Variants in ZMYND8 observed in about 807,000 individuals in gnomAD.
ZMYND8 encodes the protein MYND-type zinc finger-containing chromatin reader ZMYND8.
A neutral mutation model predicts 140.8 loss-of-function variants in ZMYND8; 37 were observed. The ratio of observed to expected loss-of-function variants is 0.26; its 90% CI spans 0.20 to 0.35. ZMYND8 has a LOEUF of 0.35. Among genes scored for constraint, ZMYND8 ranks in the 10% least tolerant of loss-of-function variants. The pLI, the probability that ZMYND8 is intolerant of heterozygous loss-of-function variation, is 1.00. For missense variants in ZMYND8, 1,068 were observed against 1,570.0 expected (o/e 0.68, Z 5.40); for synonymous variants, 592 against 597.1 (o/e 0.99, Z 0.12).
At chr20:47,319,393 A>G in intron 2 of ZMYND8, 1 of 234,836 alleles carries the variant, frequency 4.3e-6, no homozygotes, top group South Asian at 5.1e-5. Flanking sequence ...GGGGAGGGAA[A>G]CAGCTGTGGT....
At chr20:47,299,413 T>C (rs967478041) in intron 3 of ZMYND8, among the ~76,000 whole-genome samples, 1 of 152,218 alleles carries the variant, frequency 6.6e-6, no homozygotes, top group Non-Finnish European at 1.5e-5. Context: ...AATGCCACCA[T>C]ACTAACAATG....
intron 2 of ZMYND8, among the ~76,000 whole-genome samples, chr20:47,326,119 G>A (rs1037214449): frequency 9.2e-5 from 14 of 152,210 alleles, no homozygotes; most frequent in Admixed American, 6.5e-4. Context: ...TACCACGCCC[G>A]GCTAATTCTT....
At chr20:47,326,393 T>G (rs2080420608) in intron 2 of ZMYND8, among the ~76,000 whole-genome samples, 10 of 152,052 alleles carry the variant, frequency 6.6e-5, no homozygotes, top group Admixed American at 6.6e-4. Flanking sequence ...TGAGCCACCA[T>G]GCCCGGCCTC....
intron 19 of ZMYND8, among the ~76,000 whole-genome samples, chr20:47,223,200 G>C (rs2037228401): frequency 6.6e-6 from 1 of 152,148 alleles, no homozygotes; most frequent in Non-Finnish European, 1.5e-5. Flanking sequence ...ACAAATAAAA[G>C]CTAATGGTAA....
intron 3 of ZMYND8, among the ~76,000 whole-genome samples, chr20:47,302,308 C>G (rs1255937871): frequency 6.6e-6 from 1 of 152,084 alleles, no homozygotes; most frequent in Non-Finnish European, 1.5e-5. Flanking sequence ...AACTCCATCT[C>G]TACAAAAAAT....
chr20:47,310,036 G>A lies in ZMYND8; in HGVS notation c.234+20C>T, dbSNP rs765590187. 1.4e-5 allele frequency: 23 copies of A among 1,613,922 alleles called. No individual in the cohort carries two copies. Among genetic ancestry groups the A allele is most frequent in the South Asian group, 8.8e-5 (8 of 91,074 alleles). ...CCTCTGTCCCACCAGTGAGGACACC[G>A]TTCCCAGCGGCTGCTTTACCTGCTC... is the stretch of plus-strand genomic sequence containing the variant. On this transcript the variant is annotated intron_variant, in intron 3 of 22. Transcript: ENST00000471951.
At chr20:47,295,266 A>C (rs1460758362) in intron 4 of ZMYND8, among the ~76,000 whole-genome samples, 3 of 152,128 alleles carry the variant, frequency 2.0e-5, no homozygotes, top group Non-Finnish European at 2.9e-5. Context: ...GGTGGCACGC[A>C]TCCGTAGTCC....
intron 20 of ZMYND8, 131 bp from the exon 21 acceptor site, chr20:47,220,455 G>T: frequency 2.6e-6 from 2 of 777,836 alleles, no homozygotes; most frequent in Non-Finnish European, 2.1e-6. Flanking sequence ...GCCTGGCACG[G>T]TCAGGTGGGA....
At chr20:47,285,944 G>A (rs1486859059) in intron 8 of ZMYND8, 15 of 639,942 alleles carry the variant, frequency 2.3e-5, no homozygotes, top group Admixed American at 6.3e-5. Context: ...TATTCCCAGC[G>A]TCTTTGGAGG....
At chr20:47,241,326 T>TA (rs1270479815) in intron 14 of ZMYND8, among the ~76,000 whole-genome samples, 2 of 137,904 alleles carry the variant, frequency 1.5e-5, no homozygotes, top group Non-Finnish European at 3.2e-5. Flanking sequence ...ATTCTTTAAA[T>TA]AAAAAAAGTC....
intron 16 of ZMYND8, among the ~76,000 whole-genome samples, chr20:47,230,127 G>A (rs981316966): frequency 6.6e-6 from 1 of 152,140 alleles, no homozygotes; most frequent in African/African-American, 2.4e-5. Flanking sequence ...AGAAACCCCA[G>A]CATTAATGGG....
intron 3 of ZMYND8, 71 bp downstream of exon 3, chr20:47,309,985 T>C (rs111649271): frequency 2.1e-5 from 34 of 1,595,510 alleles, no homozygotes; most frequent in African/African-American, 1.5e-4. Flanking sequence ...CTTACAAGGA[T>C]CCAGAGGTTC....
intron 21 of ZMYND8, among the ~76,000 whole-genome samples, chr20:47,215,449 CTG>C (rs1329284812): frequency 1.3e-5 from 2 of 151,666 alleles, no homozygotes; most frequent in African/African-American, 2.4e-5. Flanking sequence ...AGAATAGAAA[CTG>C]TATCATAGCA....
intron 2 of ZMYND8, among the ~76,000 whole-genome samples, chr20:47,335,267 G>C (rs1009815748): frequency 4.6e-5 from 7 of 151,868 alleles, no homozygotes; most frequent in African/African-American, 1.7e-4. Flanking sequence ...CAAAAAAAAA[G>C]GAGAATTGTA....
At chr20:47,255,519 A>G (rs1421580389) in intron 12 of ZMYND8, among the ~76,000 whole-genome samples, 1 of 149,050 alleles carries the variant, frequency 6.7e-6, no homozygotes, top group African/African-American at 2.5e-5. Context: ...ACATATACAT[A>G]TGCATATGGT....
intron 2 of ZMYND8, chr20:47,319,179 A>G (rs1373611941): frequency 4.0e-6 from 2 of 495,858 alleles, no homozygotes; most frequent in Non-Finnish European, 7.0e-6. Context: ...ACCTCTTTGC[A>G]ATCAGGCAGT....
intron 14 of ZMYND8, among the ~76,000 whole-genome samples, chr20:47,241,152 G>A (rs1023317010): frequency 5.3e-5 from 8 of 151,754 alleles, no homozygotes; most frequent in South Asian, 2.1e-4. Context: ...AAAATTAGCC[G>A]GGCATGGTGG....
chr20:47,236,698 G>A (rs1288619622), intron 15 of ZMYND8, among the ~76,000 whole-genome samples, 182 bp from the exon 16 acceptor site: 1 of 152,192 alleles, frequency 6.6e-6, no homozygotes, highest in Non-Finnish European at 1.5e-5. Flanking sequence ...CCTTGGCCTG[G>A]AAAGACTTGA....
At chr20:47,331,086 CGGAACACGGAGAGAAT>C (rs1469289362) in intron 2 of ZMYND8, among the ~76,000 whole-genome samples, 2 of 150,650 alleles carry the variant, frequency 1.3e-5, no homozygotes, top group Admixed American at 6.6e-5. Context: ...ACAGAGAGAA[CGGAACACGGAGAGAAT>C]GGAACACAGA....
Sources: gnomAD v4.1 joint callset for allele counts (sites outside exome capture counted in the v4.1 genomes callset) on GRCh38, gnomAD v4.1.1 for gene constraint, MANE v1.5 for transcripts, NCBI Gene and HGNC (gene_info 2026-07-23, HGNC 2026-07-21) for gene names.